KCNC4: variants seen among roughly 807,000 people sequenced by gnomAD.
The protein encoded by KCNC4 is potassium voltage-gated channel subfamily C member 4.
Under a neutral mutation model 42.8 loss-of-function variants are expected in KCNC4, and 23 were observed. The observed-to-expected ratio is 0.54, with a 90% CI of 0.39 to 0.76. The LOEUF (loss-of-function observed/expected upper bound fraction) is 0.76, where lower values mean the gene tolerates loss of function less well. Ranked by LOEUF, KCNC4 falls within the 30% of genes least tolerant of loss-of-function variation. The pLI, the probability that KCNC4 is intolerant of heterozygous loss-of-function variation, is 0.00. For synonymous variants in KCNC4, 422 were observed against 393.5 expected, an observed-to-expected ratio of 1.07 and a Z score of -0.86; for missense variants, 751 against 898.2, an observed-to-expected ratio of 0.84 and a Z score of 2.10.
At chr1:110,220,580 G>A (rs1006989001) in intron 1 of KCNC4, 1 of 150,998 alleles carries the variant, frequency 6.6e-6, no homozygotes, top group African/African-American at 2.4e-5. Flanking sequence ...CTACTCTCCT[G>A]GCTAACTTTT....
chr1:110,281,851 A>G (rs1199427012), intron 1 of KCNC4, among the ~76,000 whole-genome samples: 1 of 152,162 alleles, frequency 6.6e-6, no homozygotes, highest in Non-Finnish European at 1.5e-5. Flanking sequence ...CCTCAGGGAG[A>G]GTCCAGCAAT....
chr1:110,228,239 A>G (rs1298601966), intron 3 of KCNC4, among the ~76,000 whole-genome samples: 3 of 152,022 alleles, frequency 2.0e-5, no homozygotes, highest in African/African-American at 4.8e-5. Flanking sequence ...GGCAGGTGCT[A>G]ATTAGGGCTT....
At chr1:110,218,011 G>A (rs1315470807) in intron 1 of KCNC4, among the ~76,000 whole-genome samples, 1 of 152,154 alleles carries the variant, frequency 6.6e-6, no homozygotes, top group Non-Finnish European at 1.5e-5. Flanking sequence ...GTCTTTGGCT[G>A]TGTTCTCAAT....
chr1:110,227,517 T>C (rs1046958947), intron 3 of KCNC4, among the ~76,000 whole-genome samples: 3 of 152,100 alleles, frequency 2.0e-5, no homozygotes, highest in African/African-American at 4.8e-5. Flanking sequence ...AGATGGAGGG[T>C]GCTCAGACCT....
chr1:110,255,302 T>G (rs1294470332), intron 1 of KCNC4, among the ~76,000 whole-genome samples: 1 of 152,300 alleles, frequency 6.6e-6, no homozygotes, highest in Non-Finnish European at 1.5e-5. Flanking sequence ...TGGAACCCCC[T>G]GGTTTCCTCT....
intron 1 of KCNC4, among the ~76,000 whole-genome samples, chr1:110,257,488 G>A (rs972125004): frequency 4.6e-4 from 70 of 152,112 alleles, no homozygotes; most frequent in African/African-American, 1.6e-3. Flanking sequence ...GGCCAAGGCG[G>A]GTGGATCACG....
At chr1:110,245,981 T>TG (rs1431843965) in exon 4 of KCNC4, 1 of 152,234 alleles carries the variant, frequency 6.6e-6, no homozygotes, top group Non-Finnish European at 1.5e-5. Context: ...GGAATGCCCA[T>TG]GAAGTACTCT....
chr1:110,218,049 A>G (rs1290889380), intron 1 of KCNC4, among the ~76,000 whole-genome samples: 4 of 151,946 alleles, frequency 2.6e-5, no homozygotes, highest in Non-Finnish European at 4.4e-5. Context: ...TTCATCCTTA[A>G]TATAGGTTTT....
Position 110,273,428 on chromosome 1 carries a change from C to T in KCNC4, n.31-9106C>T, listed in dbSNP as rs1427645812. Among the ~76,000 whole-genome samples the T allele has an allele frequency of 2.6e-5, 4 of 152,324 alleles. No individual in the cohort carries two copies. The East Asian group carries it at 7.7e-4, about 29-fold the overall frequency. ...GAGTTATTTATCTCTGTGTCAGTCT[C>T]TTCTTTGAGACGAAGAGTCTGGAAA... On this transcript the variant is annotated intron_variant and non_coding_transcript_variant, in intron 1 of 2. Coordinates refer to the KCNC4 transcript ENST00000412512.
exon 4 of KCNC4, chr1:110,246,283 T>G (rs1003392856): frequency 1.3e-5 from 2 of 152,282 alleles, no homozygotes; most frequent in African/African-American, 2.4e-5. Flanking sequence ...GCCAATGCTT[T>G]CTTCTTCCTG....
chr1:110,230,640 G>A (rs1343102466), intron 3 of KCNC4, among the ~76,000 whole-genome samples: 1 of 152,186 alleles, frequency 6.6e-6, no homozygotes, highest in Non-Finnish European at 1.5e-5. Context: ...AGATGTCCCT[G>A]GGCGACAAGA....
chr1:110,226,677 T>TG (rs1658416586), intron 3 of KCNC4, among the ~76,000 whole-genome samples: 1 of 152,200 alleles, frequency 6.6e-6, no homozygotes, highest in African/African-American at 2.4e-5. Context: ...GAGCACAGGA[T>TG]GGGCAGACTT....
At chr1:110,264,844 G>A (rs1659510104) in intron 1 of KCNC4, among the ~76,000 whole-genome samples, 1 of 152,170 alleles carries the variant, frequency 6.6e-6, no homozygotes, top group Non-Finnish European at 1.5e-5. Context: ...CACTTTGGGA[G>A]GCCAAGACAG....
At chr1:110,253,858 G>A (rs1282767875), downstream of KCNC4, among the ~76,000 whole-genome samples, 1 of 152,184 alleles carries the variant, frequency 6.6e-6, no homozygotes, top group Non-Finnish European at 1.5e-5. Context: ...CACCTGGCTA[G>A]GCTGAAGTCC....
At chr1:110,260,103 A>G (rs539798154) in intron 1 of KCNC4, among the ~76,000 whole-genome samples, 6 of 152,270 alleles carry the variant, frequency 3.9e-5, no homozygotes, top group African/African-American at 1.4e-4. Context: ...AATACCATGG[A>G]TTGTTTTTAC....
rs375892856 is a variant in KCNC4 at position 110,223,314 on chromosome 1, G to A, written c.1029G>A (p.Leu343=). The A allele has an allele frequency of 5.0e-5, 81 of 1,613,984 alleles. No homozygotes were observed. Among genetic ancestry groups the A allele is most frequent in the Non-Finnish European group, 6.4e-5 (75 of 1,180,024 alleles). The part of the protein sequence containing the change: ...GLSSKAARDV[L]GFLRVVRFVR... The stretch of plus-strand genomic sequence containing the variant: ...CATCCAAGGCGGCCCGCGACGTGCT[G>A]GGCTTCCTGCGCGTGGTGCGCTTCG... The change falls in exon 2 of 4, where the codon CTG becomes CTA. Residue 343 remains leucine (L), a synonymous_variant. Transcript: ENST00000438661. This position sits in a 1 kb window ranked among gnomAD's most constrained non-coding sequence, Gnocchi z 7.5.
intron 1 of KCNC4, among the ~76,000 whole-genome samples, chr1:110,214,553 C>T (rs933025298): frequency 2.6e-5 from 4 of 152,194 alleles, no homozygotes; most frequent in African/African-American, 4.8e-5. Flanking sequence ...CTCTAATCCT[C>T]CCAATAAACT....
intron 1 of KCNC4, among the ~76,000 whole-genome samples, chr1:110,212,518 C>T (rs1375822638): frequency 1.3e-5 from 2 of 152,188 alleles, no homozygotes; most frequent in East Asian, 3.9e-4. Context: ...TTCAGCTGCC[C>T]TCCACTCCAC....
intron 1 of KCNC4, among the ~76,000 whole-genome samples, chr1:110,277,455 C>T (rs1479504629): frequency 6.6e-6 from 1 of 152,146 alleles, no homozygotes; most frequent in Non-Finnish European, 1.5e-5. Context: ...CTTACCTGTC[C>T]CTGAGATAGC....
Sources: gnomAD v4.1 joint callset for allele counts (sites outside exome capture counted in the v4.1 genomes callset) on GRCh38, gnomAD v4.1.1 for gene constraint, Gnocchi (gnomAD v3.1) non-coding constraint, MANE v1.5 for transcripts, NCBI Gene and HGNC (gene_info 2026-07-23, HGNC 2026-07-21) for gene names.